ATP6V1C2: variants seen among roughly 807,000 people sequenced by gnomAD.
ATP6V1C2 encodes ATPase H+ transporting V1 subunit C2, also known as V-type proton ATPase subunit C 2.
A neutral mutation model predicts 56.8 loss-of-function variants in ATP6V1C2; 45 were observed. The ratio of observed to expected loss-of-function variants is 0.79; its 90% CI spans 0.62 to 1.02. ATP6V1C2 has a LOEUF of 1.02. Ranked by LOEUF, ATP6V1C2 falls within the 50% of genes least tolerant of loss-of-function variation. The probability of loss-of-function intolerance (pLI) is 0.00; values close to 1 mark genes in which losing one functional copy is unlikely to be tolerated. For missense variants in ATP6V1C2, 463 were observed against 519.7 expected (o/e 0.89, Z 1.06); for synonymous variants, 220 against 201.3 (o/e 1.09, Z -0.79).
In ATP6V1C2 at chr2:10,777,710, G is replaced by C; in HGVS notation, c.951G>C (p.Glu317Asp). 6.2e-7 allele frequency: 1 copy of C among 1,612,070 alleles called. No homozygotes were observed. Among genetic ancestry groups the C allele is most frequent in the Non-Finnish European group, 8.5e-7 (1 of 1,179,528 alleles). Residue 317 changes from glutamate (E) to aspartate (D), a missense_variant, in exon 11 of 14, where the codon GAG becomes GAC. Transcript: ENST00000272238. The part of the protein sequence containing the change: ...AGQTDRERES[E>D]GEGEGPLLRW... The stretch of plus-strand genomic sequence containing the variant: ...AGACCGACAGAGAGAGAGAGAGTGA[G>C]GGCGAGGGTGAGGTAAGCAACGCCC...
intron 3 of ATP6V1C2, among the ~76,000 whole-genome samples, chr2:10,750,946 A>G (rs751206010): frequency 1.3e-5 from 2 of 152,232 alleles, no homozygotes; most frequent in African/African-American, 4.8e-5. Flanking sequence ...TGCTTGGTAC[A>G]TAGTAGTTGT....
At chr2:10,774,484 T>C (rs1734414) in intron 8 of ATP6V1C2, among the ~76,000 whole-genome samples, 51,076 of 151,958 alleles carry the variant, frequency 0.34, 8,719 homozygotes, top group Middle Eastern at 0.43. Flanking sequence ...GTGCCAGCTG[T>C]GGTGACGGAG....
chr2:10,756,446 G>A lies in ATP6V1C2; in HGVS notation c.283+2380G>A, dbSNP rs148200323. Among the ~76,000 whole-genome samples the A allele has an allele frequency of 4.5e-3, 690 of 152,140 alleles. 4 individuals carry two copies. Among genetic ancestry groups the A allele is most frequent in the African/African-American group, 0.016 (649 of 41,502 alleles). Reference sequence around the variant, plus strand: ...GAAATATTTAGATATATTGCCGGGCGCAGTGGCTCACACCTGTAATCCCAG... The same window carrying A: ...GAAATATTTAGATATATTGCCGGGCACAGTGGCTCACACCTGTAATCCCAG... On this transcript the variant is annotated intron_variant, in intron 4 of 13. Transcript: ENST00000272238.
At chr2:10,747,427 A>C (rs1662980604) in intron 3 of ATP6V1C2, among the ~76,000 whole-genome samples, 1 of 152,058 alleles carries the variant, frequency 6.6e-6, no homozygotes, top group Non-Finnish European at 1.5e-5. Flanking sequence ...ATATTCCTTT[A>C]CCTCTAAAAA....
At chr2:10,760,944 T>G (rs1663873259) in intron 4 of ATP6V1C2, among the ~76,000 whole-genome samples, 1 of 152,170 alleles carries the variant, frequency 6.6e-6, no homozygotes, top group Non-Finnish European at 1.5e-5. Context: ...GGCGGGGGTC[T>G]GTCAGTGTTT....
At chr2:10,721,209 A>ACCTGGGAGTAGGTGATTCC (rs1443088861), upstream of ATP6V1C2, among the ~76,000 whole-genome samples, 2 of 152,070 alleles carry the variant, frequency 1.3e-5, no homozygotes, top group Admixed American at 6.5e-5. Flanking sequence ...GCCTGGAGAC[A>ACCTGGGAGTAGGTGATTCC]CCTGGGAGTA....
rs1664846139 is a variant in ATP6V1C2 at position 10,774,720 on chromosome 2, G to GC, written c.639-66dup. On this transcript the variant is annotated intron_variant, in intron 8 of 13. Transcript: ENST00000272238. Reference sequence around the variant, plus strand: ...CCAGGTGCAGGCCACCAGGCCCGGGGCCTCTGAGCCCCACTCCCGCACAAG... The same window carrying GC: ...CCAGGTGCAGGCCACCAGGCCCGGGGCCCTCTGAGCCCCACTCCCGCACAAG... 49 of 1,415,710 alleles carry GC rather than the reference G, an allele frequency of 3.5e-5. 1 individual carries two copies. In the South Asian group the frequency reaches 5.5e-4, roughly 16 times the overall value. 87.7% of individuals were successfully genotyped at this position (1,415,710 alleles called of 1,614,324 possible).
Position 10,764,690 on chromosome 2 carries a change from G to A in ATP6V1C2, c.378+265G>A, listed in dbSNP as rs192562130. Among the ~76,000 whole-genome samples, 244 of 152,348 alleles carry A rather than the reference G, an allele frequency of 1.6e-3. 2 individuals are homozygous for A. The highest frequency in any genetic ancestry group is 5.2e-3 in the African/African-American group (216 of 41,582). On this transcript the variant is annotated intron_variant, in intron 5 of 13. Transcript: ENST00000272238. Reference sequence around the variant, plus strand: ...TCTTTTTTCAAAAGTTACTGATGGTGGCCGGGCACGGTGGCTTACGCCTGT... The same window carrying A: ...TCTTTTTTCAAAAGTTACTGATGGTAGCCGGGCACGGTGGCTTACGCCTGT...
At chr2:10,757,410 A>G in intron 4 of ATP6V1C2, 1 of 391,580 alleles carries the variant, frequency 2.6e-6, no homozygotes. Flanking sequence ...TAATAACTCC[A>G]CCTTATTATA....
intron 4 of ATP6V1C2, among the ~76,000 whole-genome samples, chr2:10,757,709 C>T (rs1572563560): frequency 6.6e-6 from 1 of 152,212 alleles, no homozygotes; most frequent in African/African-American, 2.4e-5. Flanking sequence ...AACGCTTTGA[C>T]CTTGTGGAGT....
intron 3 of ATP6V1C2, among the ~76,000 whole-genome samples, chr2:10,738,330 C>G (rs1201871335): frequency 1.3e-5 from 2 of 152,096 alleles, no homozygotes; most frequent in African/African-American, 4.8e-5. Context: ...CCAGTATCTG[C>G]CAGGCTTCCC....
At chr2:10,762,837 C>G (rs1664002247) in intron 4 of ATP6V1C2, among the ~76,000 whole-genome samples, 1 of 149,292 alleles carries the variant, frequency 6.7e-6, no homozygotes, top group South Asian at 2.1e-4. Flanking sequence ...CTCCCCTGTC[C>G]TCCTCTCCCC....
At position 10,768,716 on chromosome 2, in the gene ATP6V1C2, C is replaced by G; in HGVS notation, c.379-3C>G. ...ACCTGGAGCTTTTGCTTTCCCAAAA[C>G]AGCAACTGGCGCAGATCGAGATGGA... is the stretch of plus-strand genomic sequence containing the variant. On this transcript the variant is annotated splice_polypyrimidine_tract_variant and splice_region_variant and intron_variant, in intron 5 of 13. Coordinates refer to ENST00000272238, the MANE Select transcript of ATP6V1C2 (RefSeq NM_001039362.2). The G allele has an allele frequency of 6.2e-7, 1 of 1,613,890 alleles. No homozygotes were observed. Among genetic ancestry groups the G allele is most frequent in the Non-Finnish European group, 8.5e-7 (1 of 1,179,912 alleles).
intron 1 of ATP6V1C2, 111 bp from the exon 2 acceptor site, chr2:10,722,713 G>A: frequency 8.3e-7 from 1 of 1,205,226 alleles, no homozygotes; most frequent in Non-Finnish European, 1.2e-6. Flanking sequence ...GATGTCCTTG[G>A]AGCTCATCCT....
At chr2:10,767,159 C>CATT (rs562769645) in intron 5 of ATP6V1C2, among the ~76,000 whole-genome samples, 1 of 109,330 alleles carries the variant, frequency 9.1e-6, no homozygotes, top group African/African-American at 3.5e-5. Flanking sequence ...CATTTTTTAT[C>CATT]TTTTTTTTTT....
intron 4 of ATP6V1C2, among the ~76,000 whole-genome samples, chr2:10,762,523 T>C (rs559556560): frequency 2.0e-5 from 3 of 152,262 alleles, no homozygotes; most frequent in Non-Finnish European, 2.9e-5. Flanking sequence ...TAATGGTCAT[T>C]GTCACCGTCG....
intron 3 of ATP6V1C2, among the ~76,000 whole-genome samples, chr2:10,753,390 G>A (rs913048072): frequency 1.3e-5 from 2 of 152,028 alleles, no homozygotes; most frequent in African/African-American, 2.4e-5. Context: ...CCTTATTGTC[G>A]GACCTTCCAG....
At chr2:10,746,523 G>C (rs974808699) in intron 3 of ATP6V1C2, among the ~76,000 whole-genome samples, 3 of 150,178 alleles carry the variant, frequency 2.0e-5, no homozygotes, top group African/African-American at 7.4e-5. Flanking sequence ...AGCAATTCTC[G>C]TGCCTCAGCC....
chr2:10,746,150 C>T (rs1558398714), intron 3 of ATP6V1C2, among the ~76,000 whole-genome samples: 1 of 151,984 alleles, frequency 6.6e-6, no homozygotes, highest in South Asian at 2.1e-4. Context: ...CAGGTGTGTG[C>T]CACCACACCC....
Sources: gnomAD v4.1 joint callset for allele counts (sites outside exome capture counted in the v4.1 genomes callset) on GRCh38, gnomAD v4.1.1 for gene constraint, MANE v1.5 for transcripts, NCBI Gene and HGNC (gene_info 2026-07-23, HGNC 2026-07-21) for gene names.